The following DOCK5 variants were observed in gnomAD, a reference collection of about 807,000 sequenced individuals.
The protein encoded by DOCK5 is dedicator of cytokinesis 5.
DOCK5 carries 142 observed loss-of-function variants against 251.8 expected under a neutral mutation model. The observed-to-expected ratio is 0.56, with a 90% CI of 0.49 to 0.65. The LOEUF (loss-of-function observed/expected upper bound fraction) is 0.65, where lower values mean the gene tolerates loss of function less well. Among genes scored for constraint, DOCK5 ranks in the 30% least tolerant of loss-of-function variants. DOCK5 has a pLI of 0.00. For missense variants in DOCK5, 2,111 were observed against 2,312.3 expected, an observed-to-expected ratio of 0.91 and a Z score of 1.79; for synonymous variants, 842 against 835.5, an observed-to-expected ratio of 1.01 and a Z score of -0.13.
At chr8:25,309,927 T>C (rs1375186244) in intron 12 of DOCK5, among the ~76,000 whole-genome samples, 1 of 152,218 alleles carries the variant, frequency 6.6e-6, no homozygotes, top group African/African-American at 2.4e-5. Flanking sequence ...TTCTATGTAA[T>C]TCATTATTGG....
chr8:25,373,609 T>C lies in DOCK5; in HGVS notation c.3685-9T>C. On this transcript the variant is annotated splice_polypyrimidine_tract_variant and intron_variant, in intron 35 of 51. Transcript: ENST00000276440. Reference sequence around the variant, plus strand: ...GTTGGGATTCTGTGATCCTTTTTTTTCCTGGCAGAACTTTTATAAAGAAAA... The same window carrying C: ...GTTGGGATTCTGTGATCCTTTTTTTCCCTGGCAGAACTTTTATAAAGAAAA... 1 of 1,590,314 alleles carries C rather than the reference T, an allele frequency of 6.3e-7. No homozygotes were observed. The highest frequency in any genetic ancestry group is 8.6e-7 in the Non-Finnish European group (1 of 1,167,554).
intron 1 of DOCK5, among the ~76,000 whole-genome samples, chr8:25,220,273 C>G (rs540990002): frequency 6.6e-6 from 1 of 151,820 alleles, no homozygotes; most frequent in Non-Finnish European, 1.5e-5. Flanking sequence ...GGTCCTTGGC[C>G]GCTTGTTCCT....
At chr8:25,365,756 G>A (rs903430599) in intron 30 of DOCK5, among the ~76,000 whole-genome samples, 1 of 152,192 alleles carries the variant, frequency 6.6e-6, no homozygotes. Context: ...GTGTGGAGAG[G>A]TGGGGTTTTC....
At chr8:25,248,624 C>T (rs2117556762) in intron 2 of DOCK5, among the ~76,000 whole-genome samples, 1 of 152,202 alleles carries the variant, frequency 6.6e-6, no homozygotes, top group Admixed American at 6.5e-5. Flanking sequence ...TTTCTGCCCA[C>T]CGCCCGGGAC....
At chr8:25,406,287 A>T (rs1801521975) in intron 48 of DOCK5, among the ~76,000 whole-genome samples, 1 of 152,292 alleles carries the variant, frequency 6.6e-6, no homozygotes, top group Admixed American at 6.5e-5. Context: ...GTGGAAAAGC[A>T]TTGCATCTAT....
rs1179597860 is a variant in DOCK5, at chr8:25,226,258, CTTT to C, written c.44-17396_44-17394del. ...ATGTGCCAAATGTGTGTATAGGCTG[CTTT>C]TTTTTTTTTTTTTTTTTTTGGACAG... On this transcript the variant is annotated intron_variant, in intron 1 of 51. Transcript: ENST00000276440. Among the ~76,000 whole-genome samples, 362 of 116,880 alleles carry C rather than the reference CTTT, an allele frequency of 3.1e-3. 1 individual carries two copies. Among genetic ancestry groups the C allele is most frequent in the African/African-American group, 0.013 (344 of 26,696 alleles). The allele number at this position is 116,880 out of a possible 152,430, so 76.7% of individuals were successfully genotyped here. A position where few individuals can be genotyped will look rare whatever the true frequency, so the allele number is the denominator to read the frequency against.
intron 13 of DOCK5, among the ~76,000 whole-genome samples, chr8:25,311,525 A>G (rs1805096045): frequency 6.8e-6 from 1 of 148,004 alleles, no homozygotes; most frequent in Admixed American, 6.7e-5. Context: ...CCTGGGCAAC[A>G]AGAGCAAAAC....
intron 2 of DOCK5, among the ~76,000 whole-genome samples, chr8:25,267,805 G>A (rs1803802075): frequency 6.6e-6 from 1 of 151,942 alleles, no homozygotes; most frequent in African/African-American, 2.4e-5. Context: ...AGAGTAAATT[G>A]TCTACTCTCC....
intron 1 of DOCK5, among the ~76,000 whole-genome samples, chr8:25,241,526 A>G (rs1490035421): frequency 6.6e-6 from 1 of 152,152 alleles, no homozygotes; most frequent in African/African-American, 2.4e-5. Context: ...GGACATGGAG[A>G]AAGAGGAACA....
intron 22 of DOCK5, among the ~76,000 whole-genome samples, chr8:25,336,710 A>G (rs1805818635): frequency 6.6e-6 from 1 of 152,196 alleles, no homozygotes; most frequent in East Asian, 1.9e-4. Context: ...TAGCAGAAGC[A>G]GCAGTCATCT....
rs771588225 is a variant in DOCK5 at position 25,277,683 on chromosome 8, G to A, written c.225-886G>A. Among the ~76,000 whole-genome samples the A allele has an allele frequency of 9.2e-5, 14 of 152,318 alleles. No individual in the cohort carries two copies. The East Asian group carries it at 9.6e-4, about 10-fold the overall frequency. On this transcript the variant is annotated intron_variant, in intron 4 of 51. Transcript: ENST00000276440. Reference sequence around the variant, plus strand: ...TGCCACCCACCATGTTGGAGGAAACGTAGGTGGGGAGGCACATTCACACCA... The same window carrying A: ...TGCCACCCACCATGTTGGAGGAAACATAGGTGGGGAGGCACATTCACACCA...
chr8:25,323,118 C>T (rs545902704), intron 16 of DOCK5, among the ~76,000 whole-genome samples: 9 of 152,238 alleles, frequency 5.9e-5, no homozygotes, highest in East Asian at 5.8e-4. Flanking sequence ...GCAGGGGACC[C>T]GGTGAGTTCA....
At chr8:25,391,800 C>A in intron 42 of DOCK5, 96 bp from the exon 43 acceptor site, 1 of 1,067,278 alleles carries the variant, frequency 9.4e-7, no homozygotes, top group Non-Finnish European at 1.4e-6. Context: ...GGGTAAAACT[C>A]AGACCAGGCA....
At chr8:25,326,145 ACTT>A (rs752252272) in intron 18 of DOCK5, among the ~76,000 whole-genome samples, 3 of 152,222 alleles carry the variant, frequency 2.0e-5, no homozygotes, top group Non-Finnish European at 4.4e-5. Flanking sequence ...GCCAATATCA[ACTT>A]CTTATTTATT....
intron 11 of DOCK5, among the ~76,000 whole-genome samples, chr8:25,305,688 G>A (rs1453829165): frequency 6.6e-6 from 1 of 152,126 alleles, no homozygotes; most frequent in Non-Finnish European, 1.5e-5. Flanking sequence ...CATTTATTGA[G>A]GATGAGTGAA....
intron 2 of DOCK5, among the ~76,000 whole-genome samples, chr8:25,247,314 A>C (rs1803143216): frequency 6.6e-6 from 1 of 152,200 alleles, no homozygotes. Context: ...AGTAATTTTA[A>C]GGATGAGTGT....
intron 14 of DOCK5, among the ~76,000 whole-genome samples, chr8:25,317,931 C>G (rs1424112383): frequency 6.6e-6 from 1 of 151,808 alleles, no homozygotes; most frequent in African/African-American, 2.4e-5. Flanking sequence ...TTTTAATGAA[C>G]AGGAAACTGT....
At chr8:25,302,855 A>G (rs185410637) in intron 10 of DOCK5, among the ~76,000 whole-genome samples, 75 of 152,326 alleles carry the variant, frequency 4.9e-4, no homozygotes, top group African/African-American at 1.6e-3. Context: ...TGAGGCACCT[A>G]GAGTAGTCAA....
At chr8:25,258,444 T>C (rs1803478556) in intron 2 of DOCK5, among the ~76,000 whole-genome samples, 1 of 152,174 alleles carries the variant, frequency 6.6e-6, no homozygotes, top group African/African-American at 2.4e-5. Flanking sequence ...GGGAAAAAAA[T>C]GGAGTCCCCC....
Sources: gnomAD v4.1 joint callset for allele counts (sites outside exome capture counted in the v4.1 genomes callset) on GRCh38, gnomAD v4.1.1 for gene constraint, MANE v1.5 for transcripts, NCBI Gene and HGNC (gene_info 2026-07-23, HGNC 2026-07-21) for gene names.